The following PRKN variants were observed in gnomAD, a reference collection of about 807,000 sequenced individuals.
PRKN encodes parkin RBR E3 ubiquitin protein ligase.
PRKN carries 56 observed loss-of-function variants against 59.5 expected under a neutral mutation model. The ratio of observed to expected loss-of-function variants is 0.94; its 90% confidence interval spans 0.76 to 1.18. The LOEUF (loss-of-function observed/expected upper bound fraction) is 1.18, where lower values mean the gene tolerates loss of function less well. Ranked by LOEUF, PRKN falls within the 50% of genes most tolerant of loss-of-function variation. PRKN has a pLI of 0.00. For synonymous variants in PRKN, 250 were observed against 222.1 expected (o/e 1.13, Z -1.12); for missense variants, 657 against 596.4 (o/e 1.10, Z -1.06).
At chr6:162,541,251 G>A (rs1437678124) in intron 1 of PRKN, among the ~76,000 whole-genome samples, 1 of 152,212 alleles carries the variant, frequency 6.6e-6, no homozygotes, top group Non-Finnish European at 1.5e-5. Flanking sequence ...GGATGGTGAT[G>A]AGTGCGTGGT....
chr6:161,692,254 T>TA, intron 7 of PRKN, among the ~76,000 whole-genome samples: 1 of 152,156 alleles, frequency 6.6e-6, no homozygotes. Context: ...ACTTTAGTTT[T>TA]AAAATTATAT....
intron 6 of PRKN, among the ~76,000 whole-genome samples, chr6:161,882,306 A>T (rs1266187921): frequency 6.6e-6 from 1 of 152,204 alleles, no homozygotes; most frequent in Non-Finnish European, 1.5e-5. Context: ...ATGTCAAAGC[A>T]GTAAACACTT....
intron 2 of PRKN, among the ~76,000 whole-genome samples, chr6:162,427,543 T>C (rs912116355): frequency 5.3e-5 from 8 of 152,232 alleles, no homozygotes; most frequent in Non-Finnish European, 1.5e-5. Flanking sequence ...TGAACAAATA[T>C]GTTCAGTTGC....
At chr6:162,600,611 C>A (rs1427370881) in intron 1 of PRKN, among the ~76,000 whole-genome samples, 2 of 152,114 alleles carry the variant, frequency 1.3e-5, no homozygotes, top group East Asian at 3.9e-4. Flanking sequence ...GAAATGTAAT[C>A]CCCAATTTTG....
chr6:162,184,100 A>G (rs1783919138), intron 4 of PRKN, among the ~76,000 whole-genome samples: 1 of 152,222 alleles, frequency 6.6e-6, no homozygotes, highest in Admixed American at 6.5e-5. Flanking sequence ...AAAAAGTCAT[A>G]TGTGCCTAGT....
At chr6:161,668,213 C>T (rs1784788406) in intron 7 of PRKN, among the ~76,000 whole-genome samples, 1 of 149,520 alleles carries the variant, frequency 6.7e-6, no homozygotes, top group South Asian at 2.1e-4. Context: ...GACCTTTAGC[C>T]CAGAAAAAAC....
intron 7 of PRKN, among the ~76,000 whole-genome samples, chr6:161,732,098 T>TG (rs1296621153): frequency 4.6e-5 from 7 of 152,016 alleles, no homozygotes; most frequent in African/African-American, 1.5e-4. Context: ...TCTATTTTTT[T>TG]TTTTTTGAGA....
At chr6:162,189,862 G>A (rs893511985) in intron 4 of PRKN, among the ~76,000 whole-genome samples, 10 of 151,758 alleles carry the variant, frequency 6.6e-5, no homozygotes, top group African/African-American at 2.2e-4. Flanking sequence ...AGCACATTAT[G>A]GGAGGAGTAG....
At position 161,454,985 on chromosome 6, in the gene PRKN, A is replaced by T. The variant is rs1394743888; in HGVS notation, c.1084-68108T>A. Among the ~76,000 whole-genome samples, 1 of 151,154 alleles carries T rather than the reference A, an allele frequency of 6.6e-6. No homozygotes were observed. The highest frequency in any genetic ancestry group is 1.5e-5 in the Non-Finnish European group (1 of 67,946). ...AGATTTGTCATATCCTGTCTCTCCT[A>T]TTAGAACATAGACTTCTTGAGACGA... On this transcript the variant is annotated intron_variant, in intron 9 of 11. Coordinates refer to ENST00000366898, the MANE Select transcript of PRKN (RefSeq NM_004562.3). The surrounding 1 kb of genome is among the most constrained non-coding windows in gnomAD (Gnocchi z 4.6).
At chr6:161,612,850 G>A (rs568089948) in intron 7 of PRKN, among the ~76,000 whole-genome samples, 1 of 151,928 alleles carries the variant, frequency 6.6e-6, no homozygotes, top group East Asian at 1.9e-4. Context: ...TAAGCCCACT[G>A]TTGAGACCTA....
At chr6:161,975,620 G>A (rs1472176958) in intron 5 of PRKN, among the ~76,000 whole-genome samples, 1 of 152,116 alleles carries the variant, frequency 6.6e-6, no homozygotes, top group Non-Finnish European at 1.5e-5. Flanking sequence ...TCGGGTGGGA[G>A]GGGGCACGGA....
intron 1 of PRKN, among the ~76,000 whole-genome samples, chr6:162,560,016 G>C (rs1779769715): frequency 6.6e-6 from 1 of 152,114 alleles, no homozygotes. Flanking sequence ...ATTAACATCT[G>C]ATACCATTAT....
chr6:161,946,349 G>T (rs1348387184), intron 6 of PRKN, among the ~76,000 whole-genome samples: 2 of 135,932 alleles, frequency 1.5e-5, no homozygotes, highest in Non-Finnish European at 3.1e-5. Context: ...AAATAAAGAT[G>T]AAAATAAATA....
chr6:161,621,782 C>A (rs932122275), intron 7 of PRKN, among the ~76,000 whole-genome samples: 1 of 152,176 alleles, frequency 6.6e-6, no homozygotes, highest in Non-Finnish European at 1.5e-5. Context: ...GTTAACCTTG[C>A]TGGTCACCCA....
chr6:162,106,605 C>T (rs892113317), intron 4 of PRKN, among the ~76,000 whole-genome samples: 4 of 152,148 alleles, frequency 2.6e-5, no homozygotes, highest in African/African-American at 4.8e-5. Flanking sequence ...AGCATTCTAT[C>T]GTCATTTCTT....
intron 1 of PRKN, among the ~76,000 whole-genome samples, chr6:162,543,787 T>C (rs371443767): frequency 3.9e-5 from 6 of 152,092 alleles, no homozygotes; most frequent in South Asian, 2.1e-4. Context: ...CCCAGGCCAA[T>C]AGATAGCCTC....
At chr6:162,611,913 T>C (rs147746890) in intron 1 of PRKN, among the ~76,000 whole-genome samples, 2,390 of 151,910 alleles carry the variant, frequency 0.016, 23 homozygotes, top group South Asian at 0.033. Context: ...CAGCGGGGCG[T>C]GGTGGCTCAC....
At chr6:162,203,904 G>C (rs1038424678) in intron 3 of PRKN, among the ~76,000 whole-genome samples, 3 of 152,118 alleles carry the variant, frequency 2.0e-5, no homozygotes, top group African/African-American at 7.2e-5. Flanking sequence ...TTGAAACATA[G>C]AGAGATATTT....
intron 1 of PRKN, among the ~76,000 whole-genome samples, chr6:162,582,836 C>A (rs868665661): frequency 2.4e-4 from 37 of 152,052 alleles, no homozygotes; most frequent in African/African-American, 8.7e-4. Flanking sequence ...GGAAAATAAG[C>A]CTTTAAGTTC....
Sources: gnomAD v4.1 joint callset for allele counts (sites outside exome capture counted in the v4.1 genomes callset) on GRCh38, gnomAD v4.1.1 for gene constraint, Gnocchi (gnomAD v3.1) non-coding constraint, MANE v1.5 for transcripts, NCBI Gene and HGNC (gene_info 2026-07-23, HGNC 2026-07-21) for gene names.